ARHGEF3: variants seen among roughly 807,000 people sequenced by gnomAD.
The protein encoded by ARHGEF3 is 59.8 kDA protein.
Under a neutral mutation model 63.2 loss-of-function variants are expected in ARHGEF3, and 28 were observed. The ratio of observed to expected loss-of-function variants is 0.44; its 90% CI spans 0.33 to 0.61. ARHGEF3 has a LOEUF of 0.61. Ranked by LOEUF, ARHGEF3 falls within the 20% of genes least tolerant of loss-of-function variation. ARHGEF3 has a pLI of 0.03. For missense variants in ARHGEF3, 533 were observed against 659.3 expected, an observed-to-expected ratio of 0.81 and a Z score of 2.10; for synonymous variants, 266 against 254.2, an observed-to-expected ratio of 1.05 and a Z score of -0.44.
At chr3:56,773,908 G>GT in intron 1 of ARHGEF3, 92 bp from the exon 2 acceptor site, 1 of 984,576 alleles carries the variant, frequency 1.0e-6, no homozygotes, top group Non-Finnish European at 1.5e-6. Context: ...ACTCCACAAG[G>GT]TACTGGTTGT....
chr3:56,831,417 T>C (rs11925835), intron 4 of ARHGEF3, among the ~76,000 whole-genome samples: 81,689 of 152,118 alleles, frequency 0.54, 22,580 homozygotes, highest in Non-Finnish European at 0.59. Context: ...TCTTAACCAC[T>C]ATCAGGGTTG....
intron 2 of ARHGEF3, among the ~76,000 whole-genome samples, chr3:57,012,128 T>C (rs1475886033): frequency 6.6e-6 from 1 of 152,192 alleles, no homozygotes; most frequent in Non-Finnish European, 1.5e-5. Context: ...CCTCGTGACC[T>C]GCCTCAAAAC....
intron 3 of ARHGEF3, among the ~76,000 whole-genome samples, chr3:56,930,196 C>T (rs2042374440): frequency 6.6e-6 from 1 of 152,064 alleles, no homozygotes; most frequent in Non-Finnish European, 1.5e-5. Context: ...TGTCCTGTCC[C>T]GTTATGCAAA....
At chr3:56,840,802 C>A (rs998149672) in intron 4 of ARHGEF3, among the ~76,000 whole-genome samples, 1 of 152,078 alleles carries the variant, frequency 6.6e-6, no homozygotes, top group Non-Finnish European at 1.5e-5. Flanking sequence ...ATTAAAAAAA[C>A]AATTTCATTT....
intron 9 of ARHGEF3, among the ~76,000 whole-genome samples, chr3:56,730,009 T>C (rs953587723): frequency 1.3e-5 from 2 of 152,216 alleles, no homozygotes; most frequent in African/African-American, 4.8e-5. Flanking sequence ...TGCTTGAGTC[T>C]AGGATTTTGA....
chr3:56,961,207 CAA>C (rs1193607913), intron 2 of ARHGEF3, among the ~76,000 whole-genome samples: 12 of 152,198 alleles, frequency 7.9e-5, no homozygotes, highest in Non-Finnish European at 1.5e-4. Flanking sequence ...ATTTTATACA[CAA>C]TATATTATAA....
At chr3:57,063,552 A>G (rs1705356441) in intron 1 of ARHGEF3, among the ~76,000 whole-genome samples, 2 of 152,176 alleles carry the variant, frequency 1.3e-5, no homozygotes, top group Admixed American at 1.3e-4. Context: ...GAGATACAAA[A>G]GTCAAAGATG....
intron 2 of ARHGEF3, among the ~76,000 whole-genome samples, chr3:57,028,699 A>AAAT (rs1560145954): frequency 2.7e-5 from 4 of 148,728 alleles, no homozygotes; most frequent in South Asian, 2.1e-4. Context: ...TAATAAAAAA[A>AAAT]AAATAAATAA....
At chr3:56,996,297 A>G (rs188349472) in intron 2 of ARHGEF3, among the ~76,000 whole-genome samples, 43 of 152,278 alleles carry the variant, frequency 2.8e-4, no homozygotes, top group African/African-American at 9.9e-4. Flanking sequence ...CTCTCCCTGC[A>G]CACTGCAAAC....
At chr3:56,773,969 G>A (rs1187040987) in intron 1 of ARHGEF3, among the ~76,000 whole-genome samples, 153 bp from the exon 2 acceptor site, 1 of 152,208 alleles carries the variant, frequency 6.6e-6, no homozygotes, top group Non-Finnish European at 1.5e-5. Flanking sequence ...GCTGTATGGA[G>A]ATGACCTGGC....
chr3:57,074,299 G>A (rs1358506944), intron 1 of ARHGEF3: 2 of 1,578,518 alleles, frequency 1.3e-6, no homozygotes, highest in African/African-American at 1.3e-5. Context: ...CTGAGAGTCT[G>A]GCAGCTGTTT....
chr3:56,977,180 C>A (rs1701156676), intron 2 of ARHGEF3: 1 of 452,116 alleles, frequency 2.2e-6, no homozygotes, highest in Admixed American at 2.4e-5. Flanking sequence ...CAGAGCTCCA[C>A]CAAGTTGCAT....
At chr3:56,946,246 T>C (rs893132501) in intron 3 of ARHGEF3, among the ~76,000 whole-genome samples, 1 of 151,978 alleles carries the variant, frequency 6.6e-6, no homozygotes, top group Non-Finnish European at 1.5e-5. Flanking sequence ...GGAATACAGC[T>C]CCTCACCAGC....
intron 1 of ARHGEF3, chr3:57,078,740 G>T (rs968127612): frequency 6.6e-6 from 1 of 152,478 alleles, no homozygotes; most frequent in Non-Finnish European, 1.5e-5. Flanking sequence ...AGTGACCCGC[G>T]GCCCTGTGAG....
At chr3:56,759,535 C>T (rs1288317894) in intron 2 of ARHGEF3, among the ~76,000 whole-genome samples, 3 of 151,660 alleles carry the variant, frequency 2.0e-5, no homozygotes, top group Non-Finnish European at 2.9e-5. Context: ...ATTACTTTTT[C>T]GTTGTTGTTT....
chr3:57,007,058 C>T (rs570515729), intron 2 of ARHGEF3: 7 of 887,498 alleles, frequency 7.9e-6, no homozygotes, highest in South Asian at 5.5e-5. Context: ...GTGCTCCTCA[C>T]TCTGGGTGCT....
At chr3:57,011,619 A>G (rs1702705026) in intron 2 of ARHGEF3, among the ~76,000 whole-genome samples, 1 of 152,146 alleles carries the variant, frequency 6.6e-6, no homozygotes, top group Non-Finnish European at 1.5e-5. Flanking sequence ...AATAGTGTCA[A>G]GGTTGAGAAA....
At chr3:56,978,740 A>G (rs1701215959) in intron 2 of ARHGEF3, among the ~76,000 whole-genome samples, 1 of 152,208 alleles carries the variant, frequency 6.6e-6, no homozygotes, top group Non-Finnish European at 1.5e-5. Flanking sequence ...TCCTAACGAT[A>G]ATTAATTGGA....
chr3:56,968,340 T>TATAA (rs1560094889), intron 2 of ARHGEF3, among the ~76,000 whole-genome samples: 2 of 102,726 alleles, frequency 1.9e-5, no homozygotes, highest in South Asian at 2.5e-4. Context: ...ATATAATATA[T>TATAA]AATATATATA....
Sources: allele counts gnomAD v4.1 joint callset (sites outside exome capture counted in the v4.1 genomes callset), GRCh38; gene constraint gnomAD v4.1.1; transcripts MANE v1.5; gene names NCBI Gene and HGNC (gene_info 2026-07-23, HGNC 2026-07-21).